PIGU: variants seen among roughly 807,000 people sequenced by gnomAD.
PIGU encodes the protein GPI-anchor transamidase component PIGU.
Under a neutral mutation model 49.9 loss-of-function variants are expected in PIGU, and 24 were observed. That is an observed-to-expected ratio of 0.48 (90% confidence interval 0.35 to 0.68). PIGU has a LOEUF of 0.68. Among genes scored for constraint, PIGU ranks in the 30% least tolerant of loss-of-function variants. The probability of loss-of-function intolerance (pLI) is 0.01; values close to 1 mark genes in which losing one functional copy is unlikely to be tolerated. For synonymous variants in PIGU, 220 were observed against 205.7 expected, an observed-to-expected ratio of 1.07 and a Z score of -0.59; for missense variants, 490 against 532.6, an observed-to-expected ratio of 0.92 and a Z score of 0.79.
intron 2 of PIGU, among the ~76,000 whole-genome samples, chr20:34,650,083 C>T (rs1243449322): frequency 1.4e-5 from 2 of 145,814 alleles, no homozygotes; most frequent in African/African-American, 5.1e-5. Context: ...CTCTTGACCT[C>T]GTGATCCGCC....
At chr20:34,642,332 C>G (rs2146768415) in intron 4 of PIGU, among the ~76,000 whole-genome samples, 1 of 152,208 alleles carries the variant, frequency 6.6e-6, no homozygotes, top group South Asian at 2.1e-4. Context: ...GTCTCAGTCT[C>G]CAGAGTAGCT....
intron 1 of PIGU, among the ~76,000 whole-genome samples, chr20:34,663,242 T>TA (rs1254035664): frequency 6.6e-6 from 1 of 152,124 alleles, no homozygotes; most frequent in Admixed American, 6.6e-5. Context: ...AGTTACCTAT[T>TA]AAAAAATAGG....
chr20:34,567,137 C>T (rs146930385), intron 11 of PIGU, among the ~76,000 whole-genome samples: 30 of 152,328 alleles, frequency 2.0e-4, no homozygotes, highest in African/African-American at 7.0e-4. Flanking sequence ...TGCATGTGGC[C>T]GTCACAGTTG....
intron 10 of PIGU, 23 bp downstream of exon 10, chr20:34,581,523 CTG>C: frequency 6.2e-7 from 1 of 1,612,578 alleles, no homozygotes; most frequent in African/African-American, 1.3e-5. Flanking sequence ...TGACACAAAT[CTG>C]TGGCAGAGGC....
chr20:34,577,913 C>A (rs760029285), intron 10 of PIGU, among the ~76,000 whole-genome samples: 15 of 152,164 alleles, frequency 9.9e-5, no homozygotes, highest in Non-Finnish European at 2.2e-4. Context: ...AGAGATGCCA[C>A]CCAACTGTGT....
intron 11 of PIGU, among the ~76,000 whole-genome samples, chr20:34,571,866 G>A (rs144693597): frequency 1.3e-5 from 2 of 152,172 alleles, no homozygotes; most frequent in Non-Finnish European, 2.9e-5. Flanking sequence ...CAGCGCTCTG[G>A]GACAAGGACA....
At chr20:34,615,694 C>T (rs1450999635) in intron 7 of PIGU, among the ~76,000 whole-genome samples, 4 of 152,086 alleles carry the variant, frequency 2.6e-5, no homozygotes, top group African/African-American at 7.2e-5. Flanking sequence ...ATGAATCACC[C>T]CTTTGTCTAG....
At chr20:34,616,824 C>A (rs1445853662) in intron 6 of PIGU, among the ~76,000 whole-genome samples, 3 of 151,874 alleles carry the variant, frequency 2.0e-5, no homozygotes, top group African/African-American at 7.3e-5. Flanking sequence ...TTTTAAAAGA[C>A]GAAAAGCCAG....
At chr20:34,676,006 A>T in intron 1 of PIGU, among the ~76,000 whole-genome samples, 1 of 142,644 alleles carries the variant, frequency 7.0e-6, no homozygotes, top group East Asian at 2.1e-4. Context: ...TATGCATTGT[A>T]TGTATACTGT....
At chr20:34,582,949 C>A (rs1482463944) in intron 9 of PIGU, among the ~76,000 whole-genome samples, 2 of 152,168 alleles carry the variant, frequency 1.3e-5, no homozygotes, top group Admixed American at 1.3e-4. Flanking sequence ...GGATCTATAC[C>A]CTCCTCAGCT....
intron 7 of PIGU, among the ~76,000 whole-genome samples, chr20:34,596,817 G>A (rs907929694): frequency 6.6e-6 from 1 of 152,094 alleles, no homozygotes; most frequent in Non-Finnish European, 1.5e-5. Context: ...AATTACGATG[G>A]CTGATTTATC....
intron 7 of PIGU, among the ~76,000 whole-genome samples, chr20:34,598,626 C>T (rs898120442): frequency 1.3e-5 from 2 of 152,244 alleles, no homozygotes; most frequent in Non-Finnish European, 1.5e-5. Flanking sequence ...TGTCCCAGCT[C>T]TTTCTGCCTC....
At position 34,588,633 on chromosome 20, in the gene PIGU, A is replaced by T. The variant is rs756023002; in HGVS notation, c.628-26T>A. 7.5e-6 allele frequency: 12 copies of T among 1,602,388 alleles called. No homozygotes were observed. The East Asian group carries it at 2.7e-4, about 36-fold the overall frequency. ...CTGGAGAGAAGGCAAAGTGATATAA[A>T]CTTAGGGATGTAAACAACAGAGGGC... is the stretch of plus-strand genomic sequence containing the variant. On this transcript the variant is annotated intron_variant, in intron 7 of 11. Coordinates refer to ENST00000217446, the MANE Select transcript of PIGU (RefSeq NM_080476.5).
intron 10 of PIGU, among the ~76,000 whole-genome samples, chr20:34,575,981 C>A (rs992881769): frequency 1.3e-5 from 2 of 152,152 alleles, no homozygotes; most frequent in Non-Finnish European, 1.5e-5. Flanking sequence ...CGGGTACAGA[C>A]CTTGGTTAAA....
At chr20:34,567,274 A>G (rs1296121682) in intron 11 of PIGU, among the ~76,000 whole-genome samples, 1 of 152,208 alleles carries the variant, frequency 6.6e-6, no homozygotes, top group Non-Finnish European at 1.5e-5. Flanking sequence ...GCCGGAGCGG[A>G]CATTATGTAG....
At chr20:34,634,533 C>G in intron 6 of PIGU, 82 bp downstream of exon 6, 1 of 1,339,564 alleles carries the variant, frequency 7.5e-7, no homozygotes, top group Non-Finnish European at 9.7e-7. Flanking sequence ...AAAAAAAAAA[C>G]AAAACAAAAC....
At chr20:34,568,576 A>G (rs1008348856) in intron 11 of PIGU, among the ~76,000 whole-genome samples, 34 of 152,150 alleles carry the variant, frequency 2.2e-4, no homozygotes, top group African/African-American at 7.5e-4. Flanking sequence ...CTCAGCCACT[A>G]ATGACCCACC....
chr20:34,606,234 G>T (rs989535387), intron 7 of PIGU, among the ~76,000 whole-genome samples: 1 of 135,442 alleles, frequency 7.4e-6, no homozygotes, highest in Non-Finnish European at 1.5e-5. Flanking sequence ...CAGCCTAGGC[G>T]ACAGAGTGAG....
intron 10 of PIGU, among the ~76,000 whole-genome samples, chr20:34,580,827 C>T (rs1229767858): frequency 6.6e-6 from 1 of 152,138 alleles, no homozygotes; most frequent in African/African-American, 2.4e-5. Context: ...CACTGGGGGC[C>T]TAGGCAGCAC....
Sources: allele counts gnomAD v4.1 joint callset (sites outside exome capture counted in the v4.1 genomes callset), GRCh38; gene constraint gnomAD v4.1.1; transcripts MANE v1.5; gene names NCBI Gene and HGNC (gene_info 2026-07-23, HGNC 2026-07-21).